Variants in TMEM132D observed in about 807,000 individuals in gnomAD.
The protein encoded by TMEM132D is mature OL transmembrane protein.
Under a neutral mutation model 62.3 loss-of-function variants are expected in TMEM132D, and 21 were observed. The ratio of observed to expected loss-of-function variants is 0.34; its 90% CI spans 0.24 to 0.49. The LOEUF is 0.49. TMEM132D is among the 20% of genes least tolerant of loss of function. TMEM132D has a pLI of 0.99. For missense variants in TMEM132D, 1,346 were observed against 1,402.8 expected, an observed-to-expected ratio of 0.96 and a Z score of 0.65; for synonymous variants, 621 against 575.6, an observed-to-expected ratio of 1.08 and a Z score of -1.13.
At chr12:129,249,809 C>T (rs994857458) in intron 4 of TMEM132D, among the ~76,000 whole-genome samples, 2 of 151,986 alleles carry the variant, frequency 1.3e-5, no homozygotes, top group Non-Finnish European at 2.9e-5. Flanking sequence ...GAAAAGGAAC[C>T]GTGGATCAGC....
chr12:129,597,714 A>G (rs1297316614), intron 2 of TMEM132D, among the ~76,000 whole-genome samples: 1 of 152,242 alleles, frequency 6.6e-6, no homozygotes, highest in Non-Finnish European at 1.5e-5. Context: ...CTGCGTTTCA[A>G]CCATAACATA....
At chr12:129,755,545 G>A (rs753825167) in intron 1 of TMEM132D, among the ~76,000 whole-genome samples, 10 of 152,122 alleles carry the variant, frequency 6.6e-5, no homozygotes, top group Non-Finnish European at 1.2e-4. Context: ...TGGTTTCAGA[G>A]GCAAACAAAG....
At chr12:129,595,017 T>C (rs986726356) in intron 2 of TMEM132D, among the ~76,000 whole-genome samples, 2 of 152,174 alleles carry the variant, frequency 1.3e-5, no homozygotes, top group East Asian at 1.9e-4. Context: ...TTGTTTTACA[T>C]AGGAGGAAGC....
intron 1 of TMEM132D, among the ~76,000 whole-genome samples, chr12:129,873,482 G>C (rs571033379): frequency 3.3e-5 from 5 of 152,276 alleles, no homozygotes; most frequent in Admixed American, 3.3e-4. Context: ...AAGCTGATTC[G>C]TCAAAAGCAG....
At chr12:129,568,087 T>C (rs1278240092) in intron 2 of TMEM132D, among the ~76,000 whole-genome samples, 1 of 152,204 alleles carries the variant, frequency 6.6e-6, no homozygotes, top group Non-Finnish European at 1.5e-5. Context: ...TTACAGGAGC[T>C]CTAAGTGGGG....
At chr12:129,106,339 C>A (rs577570396) in intron 5 of TMEM132D, among the ~76,000 whole-genome samples, 21 of 150,792 alleles carry the variant, frequency 1.4e-4, no homozygotes, top group Non-Finnish European at 2.4e-4. Context: ...GTGGGTGCAG[C>A]GCATCAGCAT....
At chr12:129,448,249 G>GT (rs1873166604) in intron 3 of TMEM132D, among the ~76,000 whole-genome samples, 1 of 152,136 alleles carries the variant, frequency 6.6e-6, no homozygotes, top group Non-Finnish European at 1.5e-5. Context: ...AAGTTATGGG[G>GT]TATATGTGCA....
chr12:129,434,452 C>T lies in TMEM132D; in HGVS notation c.1115+96607G>A, dbSNP rs75082302. 3.9e-4 allele frequency among the ~76,000 whole-genome samples: 59 copies of T among 152,186 alleles called. 1 individual carries two copies. The highest frequency in any genetic ancestry group is 1.4e-3 in the African/African-American group (57 of 41,506). On this transcript the variant is annotated intron_variant, in intron 3 of 8. Coordinates refer to ENST00000422113, the MANE Select transcript of TMEM132D (RefSeq NM_133448.3). ...TGCCAATAGTGATACCCTCCTCATA[C>T]GTTTGCTGTGACTACTACAAGTTGT... is the stretch of plus-strand genomic sequence containing the variant.
chr12:129,743,464 A>C (rs1425716666), intron 1 of TMEM132D, among the ~76,000 whole-genome samples: 1 of 152,158 alleles, frequency 6.6e-6, no homozygotes, highest in African/African-American at 2.4e-5. Flanking sequence ...GTGAAGAAGA[A>C]CGTGTTTGCT....
intron 1 of TMEM132D, among the ~76,000 whole-genome samples, chr12:129,723,860 G>T (rs1228316914): frequency 6.6e-6 from 1 of 152,198 alleles, no homozygotes; most frequent in South Asian, 2.1e-4. Flanking sequence ...ATACAATGTG[G>T]TTTTCCTTTT....
intron 1 of TMEM132D, among the ~76,000 whole-genome samples, chr12:129,722,028 C>T (rs953188469): frequency 5.3e-5 from 8 of 152,188 alleles, no homozygotes; most frequent in African/African-American, 1.7e-4. Flanking sequence ...TTTGCAGTTC[C>T]CTGCCTCACT....
intron 1 of TMEM132D, among the ~76,000 whole-genome samples, chr12:129,715,894 G>A (rs567630114): frequency 7.9e-5 from 12 of 152,194 alleles, no homozygotes; most frequent in African/African-American, 1.2e-4. Flanking sequence ...ACGGCTGCAC[G>A]TCACTGAATT....
At chr12:129,185,811 C>CTATCTATCTATCT (rs56931832) in intron 5 of TMEM132D, among the ~76,000 whole-genome samples, 11 of 60,976 alleles carry the variant, frequency 1.8e-4, no homozygotes, top group East Asian at 6.7e-4. Flanking sequence ...ATCTATCTAT[C>CTATCTATCTATCT]ATCTATCTAT....
intron 5 of TMEM132D, among the ~76,000 whole-genome samples, chr12:129,181,366 C>A (rs1237320760): frequency 6.6e-6 from 1 of 152,218 alleles, no homozygotes; most frequent in African/African-American, 2.4e-5. Flanking sequence ...CTTGCCCAGA[C>A]AATTGCAATC....
intron 2 of TMEM132D, among the ~76,000 whole-genome samples, chr12:129,662,838 G>T (rs1374876577): frequency 6.9e-6 from 1 of 144,064 alleles, no homozygotes; most frequent in East Asian, 2.0e-4. Context: ...GAAATATGAG[G>T]TATTAACAGG....
At chr12:129,374,268 T>TGAGAGAGAGAGA (rs1566048946) in intron 3 of TMEM132D, among the ~76,000 whole-genome samples, 1 of 28,276 alleles carries the variant, frequency 3.5e-5, no homozygotes, top group African/African-American at 1.3e-4. Context: ...ACCTCACACA[T>TGAGAGAGAGAGA]CAGAGAGAGA....
intron 2 of TMEM132D, among the ~76,000 whole-genome samples, chr12:129,680,102 A>G (rs1002599879): frequency 6.6e-6 from 1 of 152,190 alleles, no homozygotes; most frequent in Non-Finnish European, 1.5e-5. Flanking sequence ...TAATGTTTTC[A>G]AATGTTCTGT....
intron 4 of TMEM132D, among the ~76,000 whole-genome samples, chr12:129,232,838 A>AG (rs544782781): frequency 4.7e-4 from 72 of 152,240 alleles, no homozygotes; most frequent in African/African-American, 1.7e-3. Flanking sequence ...AAAGAGAGAG[A>AG]GAGAGAGAGA....
chr12:129,407,558 TG>T (rs1194403117), intron 3 of TMEM132D, among the ~76,000 whole-genome samples: 10 of 152,212 alleles, frequency 6.6e-5, no homozygotes, highest in Non-Finnish European at 1.3e-4. Flanking sequence ...AATCTGTTTC[TG>T]GATTTTGAAA....
Sources: allele counts gnomAD v4.1 joint callset (sites outside exome capture counted in the v4.1 genomes callset), GRCh38; gene constraint gnomAD v4.1.1; transcripts MANE v1.5; gene names NCBI Gene and HGNC (gene_info 2026-07-23, HGNC 2026-07-21).